Variants in ELP4 observed in about 807,000 individuals in gnomAD.
ELP4 encodes the protein elongator acetyltransferase complex subunit 4, also known as elongator complex protein 4.
In ELP4, 51 loss-of-function variants were observed where a neutral mutation model predicts 48.9. That is an observed-to-expected ratio of 1.04 (90% CI 0.83 to 1.32). The LOEUF is 1.32. Among genes scored for constraint, ELP4 ranks in the 40% most tolerant of loss-of-function variants. The pLI is 0.00. For missense variants in ELP4, 519 were observed against 514.6 expected (o/e 1.01, Z -0.08); for synonymous variants, 210 against 189.2 (o/e 1.11, Z -0.90).
chr11:31,777,419 T>C (rs925346236), intron 9 of ELP4, among the ~76,000 whole-genome samples: 3 of 152,200 alleles, frequency 2.0e-5, no homozygotes, highest in Non-Finnish European at 4.4e-5. Flanking sequence ...CATTTCTTGG[T>C]CAGAAACCAT....
At chr11:31,683,315 T>C (rs1314046104) in intron 9 of ELP4, among the ~76,000 whole-genome samples, 3 of 152,174 alleles carry the variant, frequency 2.0e-5, no homozygotes, top group African/African-American at 7.2e-5. Context: ...GTTTGGAGTT[T>C]TTTAATTTTC....
chr11:31,698,927 C>A (rs927554860), intron 9 of ELP4, among the ~76,000 whole-genome samples: 14 of 152,032 alleles, frequency 9.2e-5, no homozygotes, highest in Non-Finnish European at 1.8e-4. Flanking sequence ...TCAAAGCCTG[C>A]TACAGTATAA....
chr11:31,546,199 A>G (rs1460437021), intron 3 of ELP4, among the ~76,000 whole-genome samples: 5 of 152,124 alleles, frequency 3.3e-5, no homozygotes, highest in African/African-American at 9.7e-5. Context: ...CAAATTGGAT[A>G]AAGAGTCAAG....
intron 5 of ELP4, among the ~76,000 whole-genome samples, chr11:31,607,746 A>T (rs1288233959): frequency 6.6e-6 from 1 of 152,178 alleles, no homozygotes; most frequent in Non-Finnish European, 1.5e-5. Context: ...GAATTTCAAG[A>T]TTTTATTTTA....
intron 9 of ELP4, among the ~76,000 whole-genome samples, chr11:31,678,160 T>C (rs540623279): frequency 4.9e-4 from 75 of 152,258 alleles, no homozygotes; most frequent in Non-Finnish European, 8.8e-4. Context: ...GCAATATGCA[T>C]TTAAGGCCAG....
At chr11:31,568,070 C>T (rs989478676) in intron 3 of ELP4, among the ~76,000 whole-genome samples, 5 of 151,948 alleles carry the variant, frequency 3.3e-5, no homozygotes, top group Admixed American at 6.6e-5. Flanking sequence ...AGTCAACTGC[C>T]GAAAAGCTCC....
intron 9 of ELP4, among the ~76,000 whole-genome samples, chr11:31,729,656 C>T (rs562888505): frequency 6.6e-6 from 1 of 152,304 alleles, no homozygotes; most frequent in South Asian, 2.1e-4. Context: ...AACCCATTTA[C>T]TACTATACTC....
chr11:31,645,149 GT>G (rs1190363348), intron 7 of ELP4, among the ~76,000 whole-genome samples: 5 of 151,646 alleles, frequency 3.3e-5, no homozygotes, highest in Non-Finnish European at 7.4e-5. Flanking sequence ...ATAGACTCTT[GT>G]TTATAGTTAA....
intron 9 of ELP4, among the ~76,000 whole-genome samples, chr11:31,745,490 A>G (rs1947565841): frequency 6.6e-6 from 1 of 152,210 alleles, no homozygotes; most frequent in Admixed American, 6.5e-5. Flanking sequence ...ACTTCAAACT[A>G]TACCACAAGG....
chr11:31,742,152 G>A (rs1306455537), intron 9 of ELP4, among the ~76,000 whole-genome samples: 1 of 152,178 alleles, frequency 6.6e-6, no homozygotes, highest in African/African-American at 2.4e-5. Flanking sequence ...ATCAGTGATG[G>A]AAGATGAAAT....
At chr11:31,564,062 A>T (rs559276427) in intron 3 of ELP4, among the ~76,000 whole-genome samples, 1 of 152,328 alleles carries the variant, frequency 6.6e-6, no homozygotes, top group South Asian at 2.1e-4. Flanking sequence ...AACAAATGGT[A>T]TAGATTATAG....
At chr11:31,609,297 A>G (rs1957931979) in intron 5 of ELP4, among the ~76,000 whole-genome samples, 1 of 152,018 alleles carries the variant, frequency 6.6e-6, no homozygotes, top group Admixed American at 6.6e-5. Flanking sequence ...TTTCTTGTTC[A>G]TCCCTATTAT....
At chr11:31,697,510 C>T (rs1007727093) in intron 9 of ELP4, among the ~76,000 whole-genome samples, 17 of 151,926 alleles carry the variant, frequency 1.1e-4, no homozygotes, top group Non-Finnish European at 2.1e-4. Context: ...AATTGAAAAA[C>T]GGGCCACCTC....
At chr11:31,565,175 C>G (rs1957089338) in intron 3 of ELP4, among the ~76,000 whole-genome samples, 1 of 152,196 alleles carries the variant, frequency 6.6e-6, no homozygotes, top group African/African-American at 2.4e-5. Context: ...TAAATGTCTT[C>G]TTTTGAGAAG....
rs544269325 is a variant in ELP4 at position 31,706,001 on chromosome 11, C to A, written c.1143+55780C>A. Among the ~76,000 whole-genome samples, 3 of 152,202 alleles carry A rather than the reference C, an allele frequency of 2.0e-5. No individual in the cohort carries two copies. The South Asian group carries it at 6.2e-4, about 32-fold the overall frequency. On this transcript the variant is annotated intron_variant, in intron 9 of 9. Coordinates refer to ENST00000640961, the MANE Select transcript of ELP4 (RefSeq NM_019040.5). ...CTGAGTAACTAGGACTGCAGATGCA[C>A]ACCACCACTCCTGGCTGATTTTTTA...
chr11:31,653,798 G>A (rs1287130132), intron 9 of ELP4: 2 of 151,698 alleles, frequency 1.3e-5, no homozygotes, highest in South Asian at 2.1e-4. Context: ...AGTACATGGC[G>A]TCACTTCCAA....
At chr11:31,517,027 A>C (rs1956125745) in intron 1 of ELP4, among the ~76,000 whole-genome samples, 1 of 152,212 alleles carries the variant, frequency 6.6e-6, no homozygotes, top group South Asian at 2.1e-4. Flanking sequence ...AATGTTCTAC[A>C]TATTGTCATG....
At chr11:31,741,900 G>C (rs1489348497) in intron 9 of ELP4, among the ~76,000 whole-genome samples, 1 of 152,210 alleles carries the variant, frequency 6.6e-6, no homozygotes. Context: ...GACAGAGAAT[G>C]ACTCTGACGA....
chr11:31,571,659 C>T (rs1957195264), intron 3 of ELP4, among the ~76,000 whole-genome samples: 1 of 152,142 alleles, frequency 6.6e-6, no homozygotes, highest in African/African-American at 2.4e-5. Context: ...AATAATATGA[C>T]TTGAAAATTG....
Sources: gnomAD v4.1 joint callset for allele counts (sites outside exome capture counted in the v4.1 genomes callset) on GRCh38, gnomAD v4.1.1 for gene constraint, MANE v1.5 for transcripts, NCBI Gene and HGNC (gene_info 2026-07-23, HGNC 2026-07-21) for gene names.